Variants in TMEM45A observed in about 807,000 individuals in gnomAD.
TMEM45A encodes transmembrane protein 45A, also known as DNA polymerase-transactivated protein 4.
In TMEM45A, 25 loss-of-function variants were observed where a neutral mutation model predicts 32.0. The observed-to-expected ratio is 0.78, with a 90% CI of 0.57 to 1.09. The LOEUF is 1.09. TMEM45A is among the 50% of genes least tolerant of loss of function. TMEM45A has a pLI of 0.00. For synonymous variants in TMEM45A, 122 were observed against 114.8 expected (o/e 1.06, Z -0.40); for missense variants, 302 against 325.0 (o/e 0.93, Z 0.54).
intron 1 of TMEM45A, among the ~76,000 whole-genome samples, chr3:100,509,646 T>C (rs1158048040): frequency 2.0e-5 from 3 of 152,210 alleles, no homozygotes; most frequent in Non-Finnish European, 2.9e-5. Context: ...AGCTCCAGTC[T>C]ACAGCTCCCA....
intron 1 of TMEM45A, among the ~76,000 whole-genome samples, chr3:100,548,149 T>C (rs1413035809): frequency 2.0e-5 from 3 of 152,214 alleles, no homozygotes; most frequent in African/African-American, 7.2e-5. Flanking sequence ...CAGAGCTTTA[T>C]TATCATTCTG....
At chr3:100,493,537 A>G (rs533668758) in intron 1 of TMEM45A, among the ~76,000 whole-genome samples, 34 of 152,044 alleles carry the variant, frequency 2.2e-4, no homozygotes, top group Non-Finnish European at 4.3e-4. Flanking sequence ...TTAAAAACAA[A>G]CAAACATGTG....
chr3:100,535,348 A>AT (rs984123024), intron 1 of TMEM45A, among the ~76,000 whole-genome samples: 1 of 152,012 alleles, frequency 6.6e-6, no homozygotes, highest in African/African-American at 2.4e-5. Flanking sequence ...GGCTGGGCCT[A>AT]TTTTTTTAAG....
intron 1 of TMEM45A, among the ~76,000 whole-genome samples, chr3:100,516,136 T>C (rs1708258063): frequency 6.6e-6 from 1 of 152,076 alleles, no homozygotes; most frequent in Non-Finnish European, 1.5e-5. Flanking sequence ...TATGTATCAG[T>C]AAAAAATGTT....
At chr3:100,520,418 T>C (rs961888944) in intron 1 of TMEM45A, among the ~76,000 whole-genome samples, 1 of 152,204 alleles carries the variant, frequency 6.6e-6, no homozygotes, top group Non-Finnish European at 1.5e-5. Flanking sequence ...AATATGACTT[T>C]TGGGTTTTCC....
At chr3:100,530,625 A>G (rs1206874451) in intron 1 of TMEM45A, among the ~76,000 whole-genome samples, 1 of 152,186 alleles carries the variant, frequency 6.6e-6, no homozygotes, top group African/African-American at 2.4e-5. Flanking sequence ...AACTTATCAC[A>G]TTATTTGATC....
In TMEM45A at chr3:100,556,973, G is replaced by T. The variant is rs777682885; in HGVS notation, c.403+1G>T. On this transcript the variant is annotated splice_donor_variant, in intron 3 of 5. Coordinates refer to ENST00000323523, the MANE Select transcript of TMEM45A (RefSeq NM_018004.3). LOFTEE classifies it high-confidence loss of function. ...TTGTCAAATGCCTTATTTGTGGAGG[G>T]TAAGTGTTAGTGAGTATTTTCATGT... 1 of 1,613,926 alleles carries T rather than the reference G, an allele frequency of 6.2e-7. No homozygotes were observed. The highest frequency in any genetic ancestry group is 2.2e-5 in the East Asian group (1 of 44,880).
intron 2 of TMEM45A, 54 bp downstream of exon 2, chr3:100,555,455 T>A: frequency 6.7e-7 from 1 of 1,489,592 alleles, no homozygotes; most frequent in Non-Finnish European, 9.1e-7. Context: ...TTCATTCTTT[T>A]AAAGAATTGG....
At chr3:100,514,124 A>G (rs1187011420) in intron 1 of TMEM45A, among the ~76,000 whole-genome samples, 10 of 152,218 alleles carry the variant, frequency 6.6e-5, no homozygotes, top group Admixed American at 2.0e-4. Context: ...TGAAAAAACT[A>G]CTTTAAAGTT....
At chr3:100,507,133 T>A (rs1708089714) in intron 1 of TMEM45A, among the ~76,000 whole-genome samples, 1 of 152,144 alleles carries the variant, frequency 6.6e-6, no homozygotes, top group East Asian at 1.9e-4. Flanking sequence ...ATTTGGAAGG[T>A]TTTAAATTTG....
At chr3:100,536,533 A>G (rs1705743151) in intron 1 of TMEM45A, among the ~76,000 whole-genome samples, 1 of 152,238 alleles carries the variant, frequency 6.6e-6, no homozygotes, top group Admixed American at 6.5e-5. Context: ...TTTAATAAAT[A>G]TTTGTTGAAA....
In TMEM45A at chr3:100,576,941, C is replaced by T. The variant is rs1457267447; in HGVS notation, c.751C>T (p.Leu251Phe). Residue 251 changes from leucine (L) to phenylalanine (F), a missense_variant, in exon 6 of 6, where the codon CTT (leucine) becomes TTT (phenylalanine). Transcript: ENST00000323523. ...AFITWLVKSR[L>F]KRLCSSEVGL... The stretch of plus-strand genomic sequence containing the variant: ...TCTCCTCAGGTTGGTTAAATCTAGA[C>T]TTAAGAGGCTCTGCTCCTCAGAAGT... 1 of 1,613,160 alleles carries T rather than the reference C, an allele frequency of 6.2e-7. No homozygotes were observed. Among genetic ancestry groups the T allele is most frequent in the South Asian group, 1.1e-5 (1 of 90,966 alleles).
chr3:100,507,214 C>T (rs1438769736), intron 1 of TMEM45A, among the ~76,000 whole-genome samples: 2 of 152,340 alleles, frequency 1.3e-5, no homozygotes, highest in African/African-American at 4.8e-5. Flanking sequence ...ATTAGGATGT[C>T]CCTAGTTAGA....
intron 5 of TMEM45A, among the ~76,000 whole-genome samples, chr3:100,576,347 A>G (rs62274582): frequency 0.06 from 9,199 of 152,230 alleles, 401 homozygotes; most frequent in Middle Eastern, 0.11. Flanking sequence ...GCTACTCAGG[A>G]GGCTGAGGCA....
In TMEM45A at chr3:100,539,491, G is replaced by GTATACA. The variant is rs1559644608; in HGVS notation, c.-3-15713_-3-15712insATATAC. On this transcript the variant is annotated intron_variant, in intron 1 of 5. Coordinates refer to ENST00000323523, the MANE Select transcript of TMEM45A (RefSeq NM_018004.3). ...TGTATATGTATATGTATATGTATATGTATACGTATACGTATACGTATACGT... is the reference window on the plus strand; with the variant it reads ...TGTATATGTATATGTATATGTATATGTATACATATACGTATACGTATACGTATACGT... 6.3e-5 allele frequency among the ~76,000 whole-genome samples: 3 copies of GTATACA among 47,374 alleles called. No homozygotes were observed. In the East Asian group the frequency reaches 1.9e-3, roughly 30 times the overall value. 31.1% of individuals were successfully genotyped at this position (47,374 alleles called of 152,430 possible). A position where few individuals can be genotyped will look rare whatever the true frequency, so the allele number is the denominator to read the frequency against.
At chr3:100,574,364 A>G (rs1425625935) in intron 5 of TMEM45A, 1 of 152,258 alleles carries the variant, frequency 6.6e-6, no homozygotes, top group African/African-American at 2.4e-5. Context: ...AGAGAGTACT[A>G]TAAACACCTG....
At chr3:100,544,263 T>C (rs767795195) in intron 1 of TMEM45A, among the ~76,000 whole-genome samples, 14 of 152,180 alleles carry the variant, frequency 9.2e-5, no homozygotes, top group Non-Finnish European at 1.9e-4. Flanking sequence ...ATCTGCATAA[T>C]CTGGGATAAT....
intron 1 of TMEM45A, among the ~76,000 whole-genome samples, chr3:100,524,007 T>G (rs945837686): frequency 1.3e-5 from 2 of 152,168 alleles, no homozygotes; most frequent in African/African-American, 4.8e-5. Context: ...TAAGGATCAC[T>G]TAAGGAGGGA....
chr3:100,494,190 C>T (rs997674469), intron 1 of TMEM45A, among the ~76,000 whole-genome samples: 2 of 152,212 alleles, frequency 1.3e-5, no homozygotes, highest in Non-Finnish European at 2.9e-5. Context: ...CCATCTGAAA[C>T]ATGTATAATC....
Sources: gnomAD v4.1 joint callset for allele counts (sites outside exome capture counted in the v4.1 genomes callset) on GRCh38, gnomAD v4.1.1 for gene constraint, MANE v1.5 for transcripts, NCBI Gene and HGNC (gene_info 2026-07-23, HGNC 2026-07-21) for gene names.